MEGF10: variants seen among roughly 807,000 people sequenced by gnomAD.
MEGF10 encodes multiple EGF like domains 10, also known as multiple epidermal growth factor-like domains protein 10.
A neutral mutation model predicts 147.5 loss-of-function variants in MEGF10; 86 were observed. The observed-to-expected ratio is 0.58, with a 90% CI of 0.49 to 0.70. The LOEUF (loss-of-function observed/expected upper bound fraction) is 0.70. Ranked by LOEUF, MEGF10 falls within the 30% of genes least tolerant of loss-of-function variation. MEGF10 has a pLI of 0.00. For missense variants in MEGF10, 1,329 were observed against 1,487.3 expected (o/e 0.89, Z 1.75); for synonymous variants, 478 against 525.5 (o/e 0.91, Z 1.24).
intron 5 of MEGF10, among the ~76,000 whole-genome samples, chr5:127,376,482 C>G (rs1763032279): frequency 6.6e-6 from 1 of 152,062 alleles, no homozygotes; most frequent in African/African-American, 2.4e-5. Flanking sequence ...AGGAAGAAAA[C>G]CATGGCCAGA....
chr5:127,311,879 A>G (rs1350513654), intron 1 of MEGF10, among the ~76,000 whole-genome samples: 1 of 152,200 alleles, frequency 6.6e-6, no homozygotes, highest in Non-Finnish European at 1.5e-5. Flanking sequence ...TGGTCTTCAA[A>G]AAGAATCATT....
chr5:127,383,903 G>A (rs912149986), intron 5 of MEGF10, among the ~76,000 whole-genome samples: 1 of 152,106 alleles, frequency 6.6e-6, no homozygotes, highest in Non-Finnish European at 1.5e-5. Flanking sequence ...CAAACAATTA[G>A]CATTAAGGAT....
chr5:127,433,526 G>T lies in MEGF10; in HGVS notation c.1840+17G>T. ...GTCAGAGGAGTAAGTGTCTCATTAG[G>T]CAGTAATTTCCACCTTCCCTTCCCT... On this transcript the variant is annotated intron_variant, in intron 14 of 24. Coordinates refer to ENST00000503335, the MANE Select transcript of MEGF10 (RefSeq NM_001256545.2). 1 of 1,577,156 alleles carries T rather than the reference G, an allele frequency of 6.3e-7. No individual in the cohort carries two copies. The highest frequency in any genetic ancestry group is 1.8e-5 in the Admixed American group (1 of 55,860).
the MEGF10 span, among the ~76,000 whole-genome samples, chr5:127,262,118 G>T: frequency 2.6e-5 from 4 of 152,054 alleles, no homozygotes; most frequent in African/African-American, 9.7e-5. Flanking sequence ...TTTTGATGAA[G>T]TCTAATTTAC....
intron 5 of MEGF10, 73 bp from the exon 6 acceptor site, chr5:127,396,459 T>A (rs1763915615): frequency 6.8e-7 from 1 of 1,472,022 alleles, no homozygotes; most frequent in African/African-American, 1.4e-5. Flanking sequence ...CACCAAGCCA[T>A]TCTCCCCGAG....
At chr5:127,308,918 G>C (rs1760134768) in intron 1 of MEGF10, among the ~76,000 whole-genome samples, 1 of 151,712 alleles carries the variant, frequency 6.6e-6, no homozygotes, top group Admixed American at 6.6e-5. Flanking sequence ...TAAAATAAAA[G>C]GTTAAGAGAA....
At chr5:127,236,973 G>C in the MEGF10 span, among the ~76,000 whole-genome samples, 4 of 152,178 alleles carry the variant, frequency 2.6e-5, no homozygotes, top group Non-Finnish European at 4.4e-5. Flanking sequence ...GTGATGGAGA[G>C]AACAGAAGGA....
chr5:127,417,728 A>G lies in MEGF10; in HGVS notation c.1221A>G (p.Glu407=). The change falls in exon 10 of 25, where the codon GAA becomes GAG. Residue 407 remains glutamate (E), a synonymous_variant. Coordinates refer to ENST00000503335, the MANE Select transcript of MEGF10 (RefSeq NM_001256545.2). ...NETCSPGFYG[E]ACQQICSCQN... ...CATGTTCTCCTGGATTCTACGGGGA[A>G]GCTTGCCAGCAGATCTGCAGCTGCC... The G allele has an allele frequency of 6.2e-7, 1 of 1,614,160 alleles. No individual in the cohort carries two copies. The highest frequency in any genetic ancestry group is 1.3e-5 in the African/African-American group (1 of 75,060).
At chr5:127,438,926 C>A (rs1030201859) in intron 17 of MEGF10, among the ~76,000 whole-genome samples, 1 of 152,162 alleles carries the variant, frequency 6.6e-6, no homozygotes, top group African/African-American at 2.4e-5. Flanking sequence ...GACAACAAGC[C>A]TCACTGCCTG....
the MEGF10 span, among the ~76,000 whole-genome samples, chr5:127,254,334 G>A: frequency 1.3e-5 from 2 of 152,158 alleles, no homozygotes; most frequent in East Asian, 3.9e-4. Flanking sequence ...AAATTATAGT[G>A]TCTATATAAA....
chr5:127,281,946 G>A, the MEGF10 span, among the ~76,000 whole-genome samples: 3 of 152,208 alleles, frequency 2.0e-5, no homozygotes, highest in Admixed American at 6.5e-5. Context: ...TTGTGGTGTC[G>A]ATTTGGCCCT....
At chr5:127,355,785 A>T (rs554458943) in intron 4 of MEGF10, among the ~76,000 whole-genome samples, 57 of 152,358 alleles carry the variant, frequency 3.7e-4, no homozygotes, top group East Asian at 2.1e-3. Flanking sequence ...TTTAATTTTT[A>T]AAAAATCCAC....
intron 2 of MEGF10, among the ~76,000 whole-genome samples, chr5:127,337,662 G>A (rs969352945): frequency 6.6e-6 from 1 of 152,012 alleles, no homozygotes; most frequent in Non-Finnish European, 1.5e-5. Context: ...GGTAGCAATG[G>A]GTAACATTTG....
intron 4 of MEGF10, among the ~76,000 whole-genome samples, chr5:127,360,329 A>C (rs1359024301): frequency 6.6e-6 from 1 of 152,044 alleles, no homozygotes; most frequent in East Asian, 1.9e-4. Flanking sequence ...TTGCGTAGTG[A>C]CTTTTATCTG....
At chr5:127,259,527 C>A in the MEGF10 span, among the ~76,000 whole-genome samples, 1,010 of 152,252 alleles carry the variant, frequency 6.6e-3, 13 homozygotes, top group African/African-American at 0.023. Flanking sequence ...TTGTCATTAT[C>A]CTGCTGTTGT....
intron 1 of MEGF10, among the ~76,000 whole-genome samples, chr5:127,328,067 A>G (rs17762863): frequency 0.026 from 3,999 of 152,176 alleles, 96 homozygotes; most frequent in East Asian, 0.11. Context: ...GCCTTTATTA[A>G]ACAAGATAGA....
intron 5 of MEGF10, among the ~76,000 whole-genome samples, chr5:127,380,880 A>T (rs1306702645): frequency 1.3e-5 from 2 of 152,106 alleles, no homozygotes; most frequent in East Asian, 3.9e-4. Flanking sequence ...GCTGCAATGA[A>T]ATTATAGAAG....
At chr5:127,273,264 A>G in the MEGF10 span, among the ~76,000 whole-genome samples, 16 of 151,926 alleles carry the variant, frequency 1.1e-4, no homozygotes, top group South Asian at 2.1e-4. Context: ...TGGTGCATTC[A>G]CTCACTGCTT....
the MEGF10 span, among the ~76,000 whole-genome samples, chr5:127,235,685 A>G: frequency 1.3e-5 from 2 of 152,192 alleles, no homozygotes; most frequent in Non-Finnish European, 2.9e-5. Flanking sequence ...AGTACTGACA[A>G]TTGATTTTGG....
Sources: allele counts gnomAD v4.1 joint callset (sites outside exome capture counted in the v4.1 genomes callset), GRCh38; gene constraint gnomAD v4.1.1; transcripts MANE v1.5; gene names NCBI Gene and HGNC (gene_info 2026-07-23, HGNC 2026-07-21).